Variants in GALNT7 observed in about 807,000 individuals in gnomAD.
GALNT7 encodes polypeptide N-acetylgalactosaminyltransferase 7, also known as N-acetylgalactosaminyltransferase 7.
Under a neutral mutation model 82.1 loss-of-function variants are expected in GALNT7, and 60 were observed. The observed-to-expected ratio is 0.73, with a 90% confidence interval of 0.59 to 0.91. The LOEUF (loss-of-function observed/expected upper bound fraction) is 0.91. GALNT7 is among the 40% of genes least tolerant of loss of function. GALNT7 has a pLI of 0.00. For missense variants in GALNT7, 660 were observed against 804.2 expected (o/e 0.82, Z 2.17); for synonymous variants, 243 against 275.1 (o/e 0.88, Z 1.15).
At position 173,295,380 on chromosome 4, in the gene GALNT7, T is replaced by G. The variant is rs1258313440; in HGVS notation, c.755-16T>G. On this transcript the variant is annotated splice_polypyrimidine_tract_variant and intron_variant, in intron 3 of 11. Coordinates refer to ENST00000265000, the MANE Select transcript of GALNT7 (RefSeq NM_017423.3). The stretch of plus-strand genomic sequence containing the variant: ...TATTCGTCTAATTTATAATATCGAT[T>G]GATTTTTCTTAACAGAACACTTAAA... The G allele has an allele frequency of 2.0e-6, 3 of 1,512,776 alleles. No individual in the cohort carries two copies. In the Admixed American group the frequency reaches 5.1e-5, roughly 26 times the overall value. The allele number at this position is 1,512,776 out of a possible 1,614,324, so 93.7% of individuals were successfully genotyped here. A position where few individuals can be genotyped will look rare whatever the true frequency, so the allele number is the denominator to read the frequency against.
At chr4:173,317,400 G>T in intron 9 of GALNT7, 1 of 343,998 alleles carries the variant, frequency 2.9e-6, no homozygotes, top group Admixed American at 4.6e-5. Flanking sequence ...GTATTTTACG[G>T]AAATGTATAG....
chr4:173,254,230 T>C (rs1180157874), intron 2 of GALNT7, among the ~76,000 whole-genome samples: 1 of 152,222 alleles, frequency 6.6e-6, no homozygotes, highest in Non-Finnish European at 1.5e-5. Flanking sequence ...TTTAAAAAGA[T>C]ATTTTACATT....
chr4:173,268,571 G>A (rs1218290945), intron 2 of GALNT7, among the ~76,000 whole-genome samples: 4 of 107,920 alleles, frequency 3.7e-5, no homozygotes, highest in Admixed American at 1.5e-4. Context: ...ATGGAGTCTC[G>A]CTCTGTAGCC....
At chr4:173,237,669 T>C (rs1734279799) in intron 1 of GALNT7, among the ~76,000 whole-genome samples, 2 of 152,158 alleles carry the variant, frequency 1.3e-5, no homozygotes, top group African/African-American at 4.8e-5. Flanking sequence ...TTAAACTGTT[T>C]GCTTGGCTTT....
intron 2 of GALNT7, among the ~76,000 whole-genome samples, chr4:173,277,034 A>C (rs1579981788): frequency 6.6e-6 from 1 of 151,978 alleles, no homozygotes; most frequent in East Asian, 1.9e-4. Flanking sequence ...CGATAGATAG[A>C]TTGATTGATA....
chr4:173,311,304 A>G (rs531953742), intron 8 of GALNT7, among the ~76,000 whole-genome samples: 108 of 152,302 alleles, frequency 7.1e-4, no homozygotes, highest in African/African-American at 2.4e-3. Context: ...TCTAGAGTAC[A>G]TGTACTGTGT....
chr4:173,243,324 A>G (rs1734497488), intron 1 of GALNT7, among the ~76,000 whole-genome samples: 1 of 152,226 alleles, frequency 6.6e-6, no homozygotes, highest in Non-Finnish European at 1.5e-5. Context: ...CTGGTAATCC[A>G]TATTACCATC....
chr4:173,318,991 A>T lies in GALNT7; in HGVS notation c.1836+432A>T, dbSNP rs541225589. Reference sequence around the variant, plus strand: ...TGTCCAGCAGGTGGAGATAGAGACAAACAAATAAAACTTGAAATCTAGGCT... The same window carrying T: ...TGTCCAGCAGGTGGAGATAGAGACATACAAATAAAACTTGAAATCTAGGCT... On this transcript the variant is annotated intron_variant, in intron 11 of 11. Coordinates refer to ENST00000265000, the MANE Select transcript of GALNT7 (RefSeq NM_017423.3). Among the ~76,000 whole-genome samples, 282 of 152,230 alleles carry T rather than the reference A, an allele frequency of 1.9e-3. 1 individual carries two copies. Among genetic ancestry groups the T allele is most frequent in the Non-Finnish European group, 3.0e-3 (201 of 67,990 alleles).
At chr4:173,182,522 AAAGT>A (rs1444286685) in intron 1 of GALNT7, among the ~76,000 whole-genome samples, 10 of 152,194 alleles carry the variant, frequency 6.6e-5, no homozygotes, top group African/African-American at 2.2e-4. Context: ...GTGGGTGCTA[AAAGT>A]AAGAATGATT....
chr4:173,314,314 T>C lies in GALNT7; in HGVS notation c.1608+138T>C, dbSNP rs1737511753. The C allele has an allele frequency of 4.6e-6, 3 of 653,942 alleles. No individual in the cohort carries two copies. The South Asian group carries it at 5.5e-5, about 12-fold the overall frequency. The allele number at this position is 653,942 out of a possible 1,614,324, so 40.5% of individuals were successfully genotyped here. On this transcript the variant is annotated intron_variant, in intron 9 of 11. Coordinates refer to ENST00000265000, the MANE Select transcript of GALNT7 (RefSeq NM_017423.3). ...ACTGTCTGATAGGATCTACCACCTT[T>C]CCACTAAACAGCTATAGCTGCCAGA... is the stretch of plus-strand genomic sequence containing the variant.
chr4:173,236,640 C>T (rs560269083), intron 1 of GALNT7, among the ~76,000 whole-genome samples: 24 of 152,154 alleles, frequency 1.6e-4, no homozygotes, highest in Non-Finnish European at 2.9e-4. Flanking sequence ...CTAAGCACTC[C>T]GTGTTTTTAT....
rs999169102 is a variant in GALNT7, at chr4:173,295,382, A to C, written c.755-14A>C. ...TTCGTCTAATTTATAATATCGATTG[A>C]TTTTTCTTAACAGAACACTTAAAAG... On this transcript the variant is annotated splice_polypyrimidine_tract_variant and intron_variant, in intron 3 of 11. Coordinates refer to ENST00000265000, the MANE Select transcript of GALNT7 (RefSeq NM_017423.3). The C allele has an allele frequency of 6.6e-7, 1 of 1,523,434 alleles. No homozygotes were observed. Among genetic ancestry groups the C allele is most frequent in the Non-Finnish European group, 9.1e-7 (1 of 1,100,792 alleles). The allele number at this position is 1,523,434 out of a possible 1,614,324, so 94.4% of individuals were successfully genotyped here.
At chr4:173,223,794 T>C (rs988570510) in intron 1 of GALNT7, among the ~76,000 whole-genome samples, 17 of 152,356 alleles carry the variant, frequency 1.1e-4, no homozygotes, top group African/African-American at 4.1e-4. Flanking sequence ...GGTTTCTCTC[T>C]CTGCCTTTCT....
intron 2 of GALNT7, among the ~76,000 whole-genome samples, chr4:173,279,595 A>C (rs559181485): frequency 2.6e-5 from 4 of 152,330 alleles, no homozygotes; most frequent in Non-Finnish European, 5.9e-5. Context: ...TATAAATTGT[A>C]AGCATTTTTC....
At chr4:173,186,042 G>A (rs537361518) in intron 1 of GALNT7, among the ~76,000 whole-genome samples, 1 of 152,346 alleles carries the variant, frequency 6.6e-6, no homozygotes, top group South Asian at 2.1e-4. Flanking sequence ...AGATAAGTAT[G>A]TGCCACATAA....
intron 2 of GALNT7, among the ~76,000 whole-genome samples, chr4:173,260,378 A>G (rs557404136): frequency 3.7e-4 from 56 of 152,230 alleles, no homozygotes; most frequent in Non-Finnish European, 7.1e-4. Context: ...ATTTTAGTTT[A>G]TGGTTTACAT....
intron 1 of GALNT7, among the ~76,000 whole-genome samples, chr4:173,188,537 GA>G (rs1732525184): frequency 6.6e-6 from 1 of 152,184 alleles, no homozygotes; most frequent in Non-Finnish European, 1.5e-5. Flanking sequence ...TTCACAAACT[GA>G]CCTGGTCACT....
chr4:173,194,473 G>A (rs971212523), intron 1 of GALNT7, among the ~76,000 whole-genome samples: 1 of 152,210 alleles, frequency 6.6e-6, no homozygotes, highest in Non-Finnish European at 1.5e-5. Flanking sequence ...GGCTTTGAAT[G>A]TAAATTTAGG....
chr4:173,291,794 G>GA (rs769433577), intron 2 of GALNT7, among the ~76,000 whole-genome samples: 4,434 of 101,660 alleles, frequency 0.044, 195 homozygotes, highest in African/African-American at 0.12. Context: ...TCCAGGTCAT[G>GA]AAAAAAAAAA....
Sources: allele counts gnomAD v4.1 joint callset (sites outside exome capture counted in the v4.1 genomes callset), GRCh38; gene constraint gnomAD v4.1.1; transcripts MANE v1.5; gene names NCBI Gene and HGNC (gene_info 2026-07-23, HGNC 2026-07-21).